The following FSHR variants were observed in gnomAD, a reference collection of about 807,000 sequenced individuals.
The protein encoded by FSHR is follicle stimulating hormone receptor, also known as follicle-stimulating hormone receptor.
A neutral mutation model predicts 52.1 loss-of-function variants in FSHR; 46 were observed. The ratio of observed to expected loss-of-function variants is 0.88; its 90% CI spans 0.70 to 1.13. The LOEUF is 1.13. Ranked by LOEUF, FSHR falls within the 50% of genes most tolerant of loss-of-function variation. The probability of loss-of-function intolerance (pLI) is 0.00; values close to 1 mark genes in which losing one functional copy is unlikely to be tolerated. For synonymous variants in FSHR, 399 were observed against 309.6 expected, an observed-to-expected ratio of 1.29 and a Z score of -3.03; for missense variants, 964 against 834.6, an observed-to-expected ratio of 1.16 and a Z score of -1.91.
intron 1 of FSHR, 53 bp downstream of exon 1, chr2:49,154,213 C>G: frequency 6.5e-7 from 1 of 1,549,560 alleles, no homozygotes; most frequent in African/African-American, 1.4e-5. Context: ...AATAATAGTA[C>G]GCAATGCACA....
At chr2:49,021,342 T>C (rs1168698779) in intron 2 of FSHR, among the ~76,000 whole-genome samples, 1 of 152,130 alleles carries the variant, frequency 6.6e-6, no homozygotes, top group African/African-American at 2.4e-5. Context: ...AGTTAATATT[T>C]ATAAAGTGTC....
chr2:49,125,795 G>A (rs1335015808), intron 1 of FSHR, among the ~76,000 whole-genome samples: 2 of 152,286 alleles, frequency 1.3e-5, no homozygotes, highest in African/African-American at 4.8e-5. Flanking sequence ...TAAATTTGAG[G>A]TGTTCCTAAC....
intron 1 of FSHR, among the ~76,000 whole-genome samples, chr2:49,121,878 C>A (rs1198842126): frequency 1.3e-5 from 2 of 151,944 alleles, no homozygotes; most frequent in Admixed American, 6.6e-5. Flanking sequence ...ATCTTCAGGA[C>A]AAAAATAAAC....
chr2:49,082,142 G>T (rs1044803880), intron 1 of FSHR, among the ~76,000 whole-genome samples: 2 of 152,098 alleles, frequency 1.3e-5, no homozygotes, highest in Non-Finnish European at 2.9e-5. Context: ...CTCCCAGCAC[G>T]CAGCTGGAGA....
At chr2:48,996,599 T>A (rs1676033035) in intron 4 of FSHR, among the ~76,000 whole-genome samples, 1 of 152,076 alleles carries the variant, frequency 6.6e-6, no homozygotes, top group Non-Finnish European at 1.5e-5. Context: ...TTTTAAACCA[T>A]GACATCACCA....
At chr2:49,075,322 A>G (rs538969657) in intron 1 of FSHR, among the ~76,000 whole-genome samples, 3 of 152,302 alleles carry the variant, frequency 2.0e-5, no homozygotes, top group African/African-American at 2.4e-5. Flanking sequence ...TTTGTAAATT[A>G]TAAAAAATTA....
chr2:49,134,316 G>T (rs1672406403), intron 1 of FSHR, among the ~76,000 whole-genome samples: 1 of 152,184 alleles, frequency 6.6e-6, no homozygotes, highest in Non-Finnish European at 1.5e-5. Context: ...AAGAAGAAAT[G>T]CTCATCATCA....
chr2:48,992,180 GCTAAAAAATTATATA>G (rs1446154705), intron 4 of FSHR, among the ~76,000 whole-genome samples: 1 of 152,034 alleles, frequency 6.6e-6, no homozygotes, highest in Non-Finnish European at 1.5e-5. Context: ...TTGTTAATGC[GCTAAAAAATTATATA>G]CAGAAAAATA....
At chr2:49,136,022 T>C (rs1303449418) in intron 1 of FSHR, among the ~76,000 whole-genome samples, 2 of 151,822 alleles carry the variant, frequency 1.3e-5, no homozygotes, top group Non-Finnish European at 2.9e-5. Context: ...TGTTGTTCTA[T>C]GGTCAAGTGT....
intron 8 of FSHR, among the ~76,000 whole-genome samples, chr2:48,976,607 G>A (rs1559087075): frequency 6.6e-6 from 1 of 152,122 alleles, no homozygotes; most frequent in Admixed American, 6.6e-5. Context: ...GAATCTGTCT[G>A]GTCCTGGGCT....
In FSHR at chr2:49,017,666, T is replaced by C; in HGVS notation, c.300-103A>G. On this transcript the variant is annotated intron_variant, in intron 3 of 9. Coordinates refer to ENST00000406846, the MANE Select transcript of FSHR (RefSeq NM_000145.4). ...ATAATAAATCATTCATCCCATCCAC[T>C]CATCCACCCATCTATTCATCCATCC... 4 of 816,522 alleles carry C rather than the reference T, an allele frequency of 4.9e-6. No individual in the cohort carries two copies. In the South Asian group the frequency reaches 5.7e-5, roughly 12 times the overall value. The allele number at this position is 816,522 out of a possible 1,614,324, so 50.6% of individuals were successfully genotyped here.
intron 1 of FSHR, among the ~76,000 whole-genome samples, chr2:49,130,587 G>A (rs557569071): frequency 1.1e-4 from 17 of 152,292 alleles, no homozygotes; most frequent in Admixed American, 5.9e-4. Context: ...TATCTCTTGA[G>A]GTTTAAGACA....
At chr2:49,112,107 G>A (rs1476203224) in intron 1 of FSHR, among the ~76,000 whole-genome samples, 3 of 152,026 alleles carry the variant, frequency 2.0e-5, no homozygotes, top group South Asian at 2.1e-4. Flanking sequence ...TTAATGCTTC[G>A]GTTATGTATG....
At chr2:49,036,590 C>T (rs1487894493) in intron 2 of FSHR, among the ~76,000 whole-genome samples, 1 of 152,070 alleles carries the variant, frequency 6.6e-6, no homozygotes, top group African/African-American at 2.4e-5. Flanking sequence ...TGTGTGTGTT[C>T]TCAGCATCTT....
chr2:49,064,351 G>GT (rs2104333176), intron 2 of FSHR, among the ~76,000 whole-genome samples: 1 of 114 alleles, frequency 8.8e-3, no homozygotes, highest in South Asian at 0.1. Flanking sequence ...ACACCACAAG[G>GT]GCCCATCCCC....
chr2:48,977,842 C>T (rs1675060885), intron 8 of FSHR, among the ~76,000 whole-genome samples: 1 of 152,184 alleles, frequency 6.6e-6, no homozygotes, highest in Admixed American at 6.5e-5. Flanking sequence ...TATTCCTGCC[C>T]TTGTGCCTGG....
chr2:48,974,883 A>C (rs1674916948), intron 8 of FSHR, among the ~76,000 whole-genome samples: 1 of 152,134 alleles, frequency 6.6e-6, no homozygotes, highest in Non-Finnish European at 1.5e-5. Flanking sequence ...ACACAGGTCT[A>C]TTTGTTGGCT....
At chr2:49,028,932 C>A (rs1383944199) in intron 2 of FSHR, among the ~76,000 whole-genome samples, 1 of 152,188 alleles carries the variant, frequency 6.6e-6, no homozygotes, top group South Asian at 2.1e-4. Context: ...TGTCATCTGT[C>A]CTACTCTAAT....
At chr2:49,092,260 G>GT (rs1558436741) in intron 1 of FSHR, among the ~76,000 whole-genome samples, 1 of 152,072 alleles carries the variant, frequency 6.6e-6, no homozygotes, top group African/African-American at 2.4e-5. Flanking sequence ...TTATAAGAGC[G>GT]TTTTTTTGGA....
Sources: allele counts gnomAD v4.1 joint callset (sites outside exome capture counted in the v4.1 genomes callset), GRCh38; gene constraint gnomAD v4.1.1; transcripts MANE v1.5; gene names NCBI Gene and HGNC (gene_info 2026-07-23, HGNC 2026-07-21).